Variants in LRRC63 observed in about 807,000 individuals in gnomAD.
LRRC63 encodes the protein leucine-rich repeat-containing protein 63.
LRRC63 carries 40 observed loss-of-function variants against 49.5 expected under a neutral mutation model. That is an observed-to-expected ratio of 0.81 (90% CI 0.63 to 1.05). The LOEUF (loss-of-function observed/expected upper bound fraction) is 1.05, where lower values mean the gene tolerates loss of function less well. Among genes scored for constraint, LRRC63 ranks in the 50% least tolerant of loss-of-function variants. The probability of loss-of-function intolerance (pLI) is 0.00; values close to 1 mark genes in which losing one functional copy is unlikely to be tolerated. For synonymous variants in LRRC63, 191 were observed against 221.1 expected, an observed-to-expected ratio of 0.86 and a Z score of 1.21; for missense variants, 636 against 663.1, an observed-to-expected ratio of 0.96 and a Z score of 0.45.
intron 2 of LRRC63, among the ~76,000 whole-genome samples, chr13:46,217,618 C>G (rs1045779524): frequency 6.6e-6 from 1 of 152,182 alleles, no homozygotes; most frequent in African/African-American, 2.4e-5. Flanking sequence ...CAGTTCTGCT[C>G]TGATCTTAGT....
chr13:46,252,004 G>A (rs1294786116), intron 7 of LRRC63, among the ~76,000 whole-genome samples: 2 of 151,748 alleles, frequency 1.3e-5, no homozygotes, highest in Non-Finnish European at 2.9e-5. Context: ...GAAATAAAGC[G>A]GCATATTTTT....
chr13:46,220,921 G>A (rs533106575), intron 2 of LRRC63, among the ~76,000 whole-genome samples: 11 of 152,190 alleles, frequency 7.2e-5, no homozygotes, highest in African/African-American at 2.4e-4. Flanking sequence ...GCTTTGGCTC[G>A]CCCTCCATAT....
chr13:46,244,463 A>C (rs1312281523), intron 5 of LRRC63, among the ~76,000 whole-genome samples: 3 of 152,176 alleles, frequency 2.0e-5, no homozygotes, highest in African/African-American at 7.2e-5. Flanking sequence ...ACAGTAAAGA[A>C]GGCAAGAAAA....
At chr13:46,237,085 G>T (rs1241066006) in intron 5 of LRRC63, among the ~76,000 whole-genome samples, 1 of 152,022 alleles carries the variant, frequency 6.6e-6, no homozygotes, top group South Asian at 2.1e-4. Flanking sequence ...AATTAATGTG[G>T]CACACTACAG....
At chr13:46,257,298 G>A (rs1053487025) in intron 7 of LRRC63, among the ~76,000 whole-genome samples, 2 of 152,198 alleles carry the variant, frequency 1.3e-5, no homozygotes, top group South Asian at 2.1e-4. Context: ...TCTCCCTAGA[G>A]CCTCCAGATA....
intron 5 of LRRC63, among the ~76,000 whole-genome samples, chr13:46,244,540 C>T (rs911853876): frequency 6.6e-6 from 1 of 152,156 alleles, no homozygotes; most frequent in Non-Finnish European, 1.5e-5. Context: ...CAGGTCAAGG[C>T]AGGAGGATTC....
intron 2 of LRRC63, among the ~76,000 whole-genome samples, chr13:46,225,914 C>G (rs2046559673): frequency 6.6e-6 from 1 of 152,156 alleles, no homozygotes; most frequent in South Asian, 2.1e-4. Flanking sequence ...TTACACAAGC[C>G]AAGGGAAGGA....
At chr13:46,227,754 T>C (rs1329447550) in exon 3 of LRRC63, 16 of 1,550,574 alleles carry the variant, frequency 1.0e-5, no homozygotes, top group Non-Finnish European at 1.4e-5. Flanking sequence ...TTCCATATTT[T>C]TTCCACATTG....
rs11441080 is a variant in LRRC63, at chr13:46,220,650, GA to G, written c.86-6847del. 1.7e-3 allele frequency among the ~76,000 whole-genome samples: 242 copies of G among 139,378 alleles called. 1 individual carries two copies. The highest frequency in any genetic ancestry group is 7.6e-3 in the Middle Eastern group (2 of 264). The allele number at this position is 139,378 out of a possible 152,430, so 91.4% of individuals were successfully genotyped here. ...GGCATTCCAGGCACCACTGGGGTAT[GA>G]AAAAAAAAAAAAAACTCCAGCAGCT... On this transcript the variant is annotated intron_variant, in intron 2 of 9. Coordinates refer to ENST00000595396, the Ensembl canonical transcript of LRRC63.
intron 7 of LRRC63, among the ~76,000 whole-genome samples, chr13:46,260,057 A>G (rs147958677): frequency 1.3e-5 from 2 of 152,188 alleles, no homozygotes; most frequent in African/African-American, 2.4e-5. Flanking sequence ...GTCTGAACAG[A>G]TTTTCTCTGT....
chr13:46,212,369 G>T (rs1338464519), intron 1 of LRRC63, 110 bp downstream of exon 1: 1 of 152,292 alleles, frequency 6.6e-6, no homozygotes, highest in Non-Finnish European at 1.5e-5. Flanking sequence ...GCACATTTTG[G>T]GGGTGCATCT....
intron 7 of LRRC63, among the ~76,000 whole-genome samples, chr13:46,254,107 A>G (rs2047451274): frequency 6.6e-6 from 1 of 152,176 alleles, no homozygotes; most frequent in African/African-American, 2.4e-5. Flanking sequence ...AGAGAAGCTC[A>G]GTAAGAGTAA....
At chr13:46,215,610 TTTAGTTTAAC>T (rs1472042160) in intron 2 of LRRC63, among the ~76,000 whole-genome samples, 1 of 152,214 alleles carries the variant, frequency 6.6e-6, no homozygotes, top group Non-Finnish European at 1.5e-5. Context: ...GCAAAAGCTC[TTTAGTTTAAC>T]TAGATCCCAT....
intron 7 of LRRC63, among the ~76,000 whole-genome samples, chr13:46,250,885 AG>A (rs1247032115): frequency 6.6e-6 from 1 of 151,898 alleles, no homozygotes; most frequent in Non-Finnish European, 1.5e-5. Context: ...ATCTGGAGAA[AG>A]TAATTTAACC....
At chr13:46,222,854 A>G (rs1594013063) in intron 2 of LRRC63, among the ~76,000 whole-genome samples, 2 of 152,248 alleles carry the variant, frequency 1.3e-5, no homozygotes, top group African/African-American at 4.8e-5. Flanking sequence ...AATGTGGCAC[A>G]TATACACCAT....
chr13:46,242,761 G>GAA (rs56322506), intron 5 of LRRC63, among the ~76,000 whole-genome samples: 215 of 141,222 alleles, frequency 1.5e-3, no homozygotes, highest in African/African-American at 5.0e-3. Flanking sequence ...GAGTGTTGAA[G>GAA]AAAAAAAAAA....
At chr13:46,229,730 G>C (rs974839713) in intron 4 of LRRC63, among the ~76,000 whole-genome samples, 2 of 152,244 alleles carry the variant, frequency 1.3e-5, no homozygotes, top group African/African-American at 4.8e-5. Flanking sequence ...GGCCCGCCTG[G>C]AACATAGTGA....
At chr13:46,235,661 A>AT (rs771073582) in intron 5 of LRRC63, among the ~76,000 whole-genome samples, 8 of 152,126 alleles carry the variant, frequency 5.3e-5, no homozygotes, top group African/African-American at 9.7e-5. Flanking sequence ...CAGAAGCTCT[A>AT]TTTTTTCACG....
chr13:46,268,316 G>GA (rs1204890626), intron 9 of LRRC63, among the ~76,000 whole-genome samples: 1 of 152,074 alleles, frequency 6.6e-6, no homozygotes, highest in Non-Finnish European at 1.5e-5. Context: ...AGAGATTGGA[G>GA]AAAAAAGGAC....
Sources: gnomAD v4.1 joint callset for allele counts (sites outside exome capture counted in the v4.1 genomes callset) on GRCh38, gnomAD v4.1.1 for gene constraint, MANE v1.5 for transcripts, NCBI Gene and HGNC (gene_info 2026-07-23, HGNC 2026-07-21) for gene names.